Variants in EXOC4 observed in about 807,000 individuals in gnomAD.
EXOC4 encodes exocyst complex component 4.
EXOC4 carries 71 observed loss-of-function variants against 107.2 expected under a neutral mutation model. The ratio of observed to expected loss-of-function variants is 0.66; its 90% CI spans 0.55 to 0.81. The LOEUF (loss-of-function observed/expected upper bound fraction) is 0.81. Ranked by LOEUF, EXOC4 falls within the 30% of genes least tolerant of loss-of-function variation. The pLI is 0.00. For synonymous variants in EXOC4, 456 were observed against 441.2 expected, an observed-to-expected ratio of 1.03 and a Z score of -0.42; for missense variants, 1,108 against 1,189.6, an observed-to-expected ratio of 0.93 and a Z score of 1.01.
At chr7:133,951,390 T>A (rs1438743708) in intron 14 of EXOC4, among the ~76,000 whole-genome samples, 1 of 152,230 alleles carries the variant, frequency 6.6e-6, no homozygotes, top group Non-Finnish European at 1.5e-5. Flanking sequence ...ACACAACACC[T>A]GGTACAATGC....
chr7:133,423,598 C>G (rs1231536099), intron 7 of EXOC4, among the ~76,000 whole-genome samples: 1 of 152,216 alleles, frequency 6.6e-6, no homozygotes, highest in African/African-American at 2.4e-5. Context: ...GTACCTAGTG[C>G]TGTTCTTGGA....
intron 10 of EXOC4, among the ~76,000 whole-genome samples, chr7:133,799,742 G>T (rs982797048): frequency 6.6e-6 from 1 of 152,152 alleles, no homozygotes; most frequent in East Asian, 1.9e-4. Context: ...GTTTGATGCA[G>T]ATTAGTCTAG....
At chr7:133,521,894 C>T (rs1359145080) in intron 9 of EXOC4, among the ~76,000 whole-genome samples, 1 of 152,140 alleles carries the variant, frequency 6.6e-6, no homozygotes, top group African/African-American at 2.4e-5. Context: ...GCTGGGATTA[C>T]AGGTGTGAGC....
chr7:133,917,799 A>G, intron 13 of EXOC4, 61 bp downstream of exon 13: 2 of 1,471,394 alleles, frequency 1.4e-6, no homozygotes, highest in South Asian at 1.4e-5. Flanking sequence ...TGTTTAGCTA[A>G]TATTTTTTTA....
In EXOC4 at chr7:133,787,981, A is replaced by G. The variant is rs865876745; in HGVS notation, c.1515-29344A>G. Among the ~76,000 whole-genome samples the G allele has an allele frequency of 3.7e-5, 3 of 80,612 alleles. 1 individual carries two copies. Among genetic ancestry groups the G allele is most frequent in the African/African-American group, 5.4e-5 (1 of 18,482 alleles). 52.9% of individuals were successfully genotyped at this position (80,612 alleles called of 152,430 possible). On this transcript the variant is annotated intron_variant, in intron 10 of 17. Coordinates refer to ENST00000253861, the MANE Select transcript of EXOC4 (RefSeq NM_021807.4). ...TATATATTTATATATATATATATAT[A>G]TATATATATATATATATATATATAT... is the stretch of plus-strand genomic sequence containing the variant.
At chr7:133,278,447 GT>G (rs1321925319) in intron 2 of EXOC4, among the ~76,000 whole-genome samples, 2 of 152,156 alleles carry the variant, frequency 1.3e-5, no homozygotes, top group Non-Finnish European at 2.9e-5. Context: ...GGGACTTGCT[GT>G]TTTAGCTGGG....
At chr7:133,288,609 A>G (rs575247865) in intron 2 of EXOC4, among the ~76,000 whole-genome samples, 2 of 152,186 alleles carry the variant, frequency 1.3e-5, no homozygotes, top group African/African-American at 4.8e-5. Context: ...TTTTAGATAT[A>G]TTAATATTTA....
At chr7:133,928,276 G>C (rs1459518120) in intron 13 of EXOC4, among the ~76,000 whole-genome samples, 2 of 152,154 alleles carry the variant, frequency 1.3e-5, no homozygotes, top group African/African-American at 4.8e-5. Flanking sequence ...GTGGTGGGCA[G>C]GATGCCTGTG....
intron 7 of EXOC4, among the ~76,000 whole-genome samples, chr7:133,378,655 A>G (rs537888996): frequency 3.9e-5 from 6 of 152,260 alleles, no homozygotes; most frequent in Admixed American, 1.3e-4. Context: ...ATGATAAGTT[A>G]AGGATGCATA....
At chr7:133,696,077 A>G (rs1196822512) in intron 10 of EXOC4, among the ~76,000 whole-genome samples, 3 of 152,076 alleles carry the variant, frequency 2.0e-5, no homozygotes, top group South Asian at 2.1e-4. Context: ...GTGTTAAAGT[A>G]TGCCCCGGCT....
At chr7:133,955,141 A>T (rs1481196815) in intron 14 of EXOC4, among the ~76,000 whole-genome samples, 1 of 152,182 alleles carries the variant, frequency 6.6e-6, no homozygotes, top group Non-Finnish European at 1.5e-5. Flanking sequence ...TACCTCTTTT[A>T]GCCCTGCCAT....
chr7:133,420,704 C>T (rs1461284103), intron 7 of EXOC4, among the ~76,000 whole-genome samples: 5 of 151,950 alleles, frequency 3.3e-5, no homozygotes, highest in Admixed American at 2.6e-4. Flanking sequence ...ATTCCTTAGA[C>T]GATTACATTT....
the EXOC4 span, among the ~76,000 whole-genome samples, chr7:134,079,776 T>G: frequency 2.0e-5 from 3 of 152,244 alleles, no homozygotes; most frequent in African/African-American, 4.8e-5. Flanking sequence ...GAGTTTGCAC[T>G]GAGCCATCCA....
At chr7:133,611,686 T>C (rs1802079376) in intron 9 of EXOC4, among the ~76,000 whole-genome samples, 1 of 152,086 alleles carries the variant, frequency 6.6e-6, no homozygotes, top group African/African-American at 2.4e-5. Flanking sequence ...CTCTATTCTT[T>C]ACAGACTAAC....
intron 12 of EXOC4, among the ~76,000 whole-genome samples, chr7:133,906,006 A>G (rs1306338546): frequency 6.6e-6 from 1 of 152,224 alleles, no homozygotes; most frequent in African/African-American, 2.4e-5. Flanking sequence ...AGGTTGAGAA[A>G]TCACAGTGAC....
chr7:133,860,821 A>G (rs1798518225), intron 11 of EXOC4, among the ~76,000 whole-genome samples: 1 of 152,198 alleles, frequency 6.6e-6, no homozygotes, highest in Non-Finnish European at 1.5e-5. Flanking sequence ...GCATGATGTC[A>G]TGATCTACCT....
At chr7:133,511,527 C>T (rs756351471) in intron 9 of EXOC4, among the ~76,000 whole-genome samples, 18 of 152,114 alleles carry the variant, frequency 1.2e-4, no homozygotes, top group Non-Finnish European at 1.6e-4. Context: ...AATTAATGCC[C>T]ACTTTTAGGC....
intron 14 of EXOC4, among the ~76,000 whole-genome samples, chr7:133,955,344 TG>T (rs1717687964): frequency 6.6e-6 from 1 of 151,996 alleles, no homozygotes; most frequent in African/African-American, 2.4e-5. Flanking sequence ...GACCCTGTGG[TG>T]GGTAGCTCCT....
chr7:133,936,517 T>TA (rs1800303713), intron 13 of EXOC4, among the ~76,000 whole-genome samples: 1 of 152,236 alleles, frequency 6.6e-6, no homozygotes, highest in Non-Finnish European at 1.5e-5. Flanking sequence ...TGTGAGATTT[T>TA]AAAAGCCTTG....
Sources: gnomAD v4.1 joint callset for allele counts (sites outside exome capture counted in the v4.1 genomes callset) on GRCh38, gnomAD v4.1.1 for gene constraint, MANE v1.5 for transcripts, NCBI Gene and HGNC (gene_info 2026-07-23, HGNC 2026-07-21) for gene names.